The following UIMC1 variants were observed in gnomAD, a reference collection of about 807,000 sequenced individuals.
UIMC1 encodes the protein ubiquitin interaction motif containing 1.
Under a neutral mutation model 84.9 loss-of-function variants are expected in UIMC1, and 42 were observed. The ratio of observed to expected loss-of-function variants is 0.49; its 90% CI spans 0.39 to 0.64. The LOEUF (loss-of-function observed/expected upper bound fraction) is 0.64, where lower values mean the gene tolerates loss of function less well. Ranked by LOEUF, UIMC1 falls within the 30% of genes least tolerant of loss-of-function variation. The pLI is 0.00. For synonymous variants in UIMC1, 281 were observed against 293.0 expected (o/e 0.96, Z 0.42); for missense variants, 825 against 847.6 (o/e 0.97, Z 0.33).
intron 5 of UIMC1, 113 bp downstream of exon 5, chr5:176,969,488 C>G: frequency 7.7e-7 from 1 of 1,296,772 alleles, no homozygotes; most frequent in Non-Finnish European, 1.1e-6. Flanking sequence ...GATTTAACTT[C>G]TTTATTATCA....
intron 2 of UIMC1, among the ~76,000 whole-genome samples, chr5:176,979,530 G>T (rs1770685417): frequency 6.6e-6 from 1 of 151,886 alleles, no homozygotes; most frequent in South Asian, 2.1e-4. Context: ...TTGAACCTGG[G>T]AGGCGGACGT....
intron 10 of UIMC1, among the ~76,000 whole-genome samples, chr5:176,912,221 T>C (rs1373037292): frequency 3.3e-5 from 5 of 152,226 alleles, no homozygotes; most frequent in Non-Finnish European, 5.9e-5. Flanking sequence ...GTAAATATTT[T>C]AGTCTTGGTA....
At chr5:176,950,357 C>G (rs1414065480) in intron 9 of UIMC1, among the ~76,000 whole-genome samples, 1 of 151,112 alleles carries the variant, frequency 6.6e-6, no homozygotes, top group African/African-American at 2.4e-5. Flanking sequence ...CTCACCCTCC[C>G]AAAGTGCTCG....
At chr5:176,908,088 G>A (rs1030040129) in intron 12 of UIMC1, among the ~76,000 whole-genome samples, 3 of 151,878 alleles carry the variant, frequency 2.0e-5, no homozygotes, top group African/African-American at 4.8e-5. Context: ...ACTACATATC[G>A]AGTACTACAC....
chr5:176,957,918 A>C (rs1466852112), intron 7 of UIMC1, among the ~76,000 whole-genome samples, 175 bp downstream of exon 7: 1 of 152,224 alleles, frequency 6.6e-6, no homozygotes, highest in Non-Finnish European at 1.5e-5. Flanking sequence ...CTGGGCTTCT[A>C]TGAGATGCAC....
chr5:176,985,581 G>A (rs1461617588), intron 1 of UIMC1, among the ~76,000 whole-genome samples: 1 of 151,142 alleles, frequency 6.6e-6, no homozygotes, highest in African/African-American at 2.4e-5. Flanking sequence ...TGCTTTTCTT[G>A]ACTACATATT....
chr5:176,948,414 T>C (rs1212822505), intron 9 of UIMC1, among the ~76,000 whole-genome samples: 3 of 152,258 alleles, frequency 2.0e-5, no homozygotes, highest in African/African-American at 7.2e-5. Flanking sequence ...CCACGTTTTA[T>C]ATTCTTTATC....
intron 6 of UIMC1, among the ~76,000 whole-genome samples, chr5:176,960,875 C>T (rs374886590): frequency 1.7e-5 from 1 of 60,398 alleles, no homozygotes; most frequent in Non-Finnish European, 3.0e-5. Flanking sequence ...GCGAGTGATC[C>T]GCCAACCTCG....
At chr5:176,948,996 T>C (rs1581494764) in intron 9 of UIMC1, among the ~76,000 whole-genome samples, 2 of 139,512 alleles carry the variant, frequency 1.4e-5, no homozygotes, top group Non-Finnish European at 3.2e-5. Context: ...AATGGAAACT[T>C]TTTTTTAAAA....
At chr5:176,949,099 ATTT>A (rs1048030290) in intron 9 of UIMC1, among the ~76,000 whole-genome samples, 1 of 151,616 alleles carries the variant, frequency 6.6e-6, no homozygotes, top group Non-Finnish European at 1.5e-5. Flanking sequence ...TTTTAAAAAA[ATTT>A]ATTTATTTAT....
rs943184952 is a variant in UIMC1 at position 177,016,235 on chromosome 5, G to A, written c.-9+6229C>T. Reference sequence around the variant, plus strand: ...CAAAATTAGCCAGGCATGGTGGCTGGTGCCTGTAATCCCAGCTACTCAGGA... The same window carrying A: ...CAAAATTAGCCAGGCATGGTGGCTGATGCCTGTAATCCCAGCTACTCAGGA... On this transcript the variant is annotated intron_variant, in intron 1 of 5. Coordinates refer to the UIMC1 transcript ENST00000509236. Among the ~76,000 whole-genome samples, 7 of 151,602 alleles carry A rather than the reference G, an allele frequency of 4.6e-5. No homozygotes were observed. The South Asian group carries it at 1.5e-3, about 32-fold the overall frequency.
At chr5:176,938,715 T>C (rs1764030342) in intron 10 of UIMC1, among the ~76,000 whole-genome samples, 1 of 152,142 alleles carries the variant, frequency 6.6e-6, no homozygotes, top group Non-Finnish European at 1.5e-5. Flanking sequence ...TATCCAGACC[T>C]AACCAGCCTG....
At chr5:177,021,459 C>G (rs1017753539) in intron 1 of UIMC1, among the ~76,000 whole-genome samples, 1 of 151,998 alleles carries the variant, frequency 6.6e-6, no homozygotes, top group African/African-American at 2.4e-5. Context: ...GATAGCCAGA[C>G]AAGGTATTTT....
At chr5:176,916,990 GA>G (rs1761055095) in intron 10 of UIMC1, among the ~76,000 whole-genome samples, 1 of 152,162 alleles carries the variant, frequency 6.6e-6, no homozygotes, top group African/African-American at 2.4e-5. Flanking sequence ...GAGGAGACCA[GA>G]AATTATATAT....
chr5:176,909,211 C>T (rs1403121035), intron 11 of UIMC1, among the ~76,000 whole-genome samples: 1 of 152,144 alleles, frequency 6.6e-6, no homozygotes, highest in Non-Finnish European at 1.5e-5. Flanking sequence ...TACTAAAAGC[C>T]ATGTGGTTCT....
intron 10 of UIMC1, among the ~76,000 whole-genome samples, chr5:176,916,250 GAA>G (rs2149399092): frequency 6.7e-6 from 1 of 148,782 alleles, no homozygotes; most frequent in South Asian, 2.2e-4. Flanking sequence ...TTTCAAAAAG[GAA>G]CAATGGGGTC....
chr5:176,943,263 C>T, intron 10 of UIMC1, 72 bp downstream of exon 10: 1 of 1,506,306 alleles, frequency 6.6e-7, no homozygotes, highest in Non-Finnish European at 8.9e-7. Context: ...TTTTTCCCTG[C>T]ATTGTAATGT....
intron 1 of UIMC1, among the ~76,000 whole-genome samples, chr5:176,986,888 GA>G (rs1181356578): frequency 2.0e-5 from 3 of 152,076 alleles, no homozygotes; most frequent in Non-Finnish European, 2.9e-5. Flanking sequence ...CAGATGACAT[GA>G]CCTGTGTTTA....
chr5:177,010,557 T>G (rs1426142105), upstream of UIMC1, among the ~76,000 whole-genome samples: 2 of 152,122 alleles, frequency 1.3e-5, no homozygotes, highest in Non-Finnish European at 2.9e-5. Flanking sequence ...TTTTTTTTTT[T>G]GAGACAAAAT....
Sources: allele counts gnomAD v4.1 joint callset (sites outside exome capture counted in the v4.1 genomes callset), GRCh38; gene constraint gnomAD v4.1.1; transcripts MANE v1.5; gene names NCBI Gene and HGNC (gene_info 2026-07-23, HGNC 2026-07-21).